The following MAP3K2 variants were observed in gnomAD, a reference collection of about 807,000 sequenced individuals.
MAP3K2 encodes mitogen-activated protein kinase kinase kinase 2.
MAP3K2 carries 24 observed loss-of-function variants against 80.3 expected under a neutral mutation model. That is an observed-to-expected ratio of 0.30 (90% confidence interval 0.22 to 0.42). The LOEUF (loss-of-function observed/expected upper bound fraction) is 0.42, where lower values mean the gene tolerates loss of function less well. Ranked by LOEUF, MAP3K2 falls within the 10% of genes least tolerant of loss-of-function variation. The pLI is 1.00. For missense variants in MAP3K2, 608 were observed against 750.1 expected (o/e 0.81, Z 2.21); for synonymous variants, 244 against 253.7 (o/e 0.96, Z 0.36).
intron 9 of MAP3K2, among the ~76,000 whole-genome samples, chr2:127,324,860 C>T (rs563383210): frequency 5.3e-5 from 8 of 152,194 alleles, no homozygotes; most frequent in African/African-American, 1.9e-4. Context: ...AGGGGGAGCA[C>T]GTGTAACAAA....
intron 1 of MAP3K2, among the ~76,000 whole-genome samples, chr2:127,361,566 AAGGC>A (rs1024081684): frequency 8.5e-5 from 13 of 152,252 alleles, no homozygotes; most frequent in African/African-American, 3.1e-4. Context: ...CATCCTCAGA[AAGGC>A]AGAGAAAAAT....
intron 1 of MAP3K2, among the ~76,000 whole-genome samples, chr2:127,366,128 T>C (rs1686966766): frequency 6.6e-6 from 1 of 152,308 alleles, no homozygotes; most frequent in Non-Finnish European, 1.5e-5. Context: ...TCCAAAAAAG[T>C]CGTATCTCAC....
intron 1 of MAP3K2, among the ~76,000 whole-genome samples, chr2:127,381,947 C>G (rs997011241): frequency 6.6e-6 from 1 of 151,536 alleles, no homozygotes; most frequent in African/African-American, 2.4e-5. Context: ...TCTGACAAAT[C>G]GAGAATATGA....
At chr2:127,325,436 T>C (rs1171247235) in intron 9 of MAP3K2, among the ~76,000 whole-genome samples, 2 of 152,186 alleles carry the variant, frequency 1.3e-5, no homozygotes, top group African/African-American at 4.8e-5. Context: ...CCCAGCGCTT[T>C]AGGAGACCAA....
At chr2:127,373,754 A>ACT (rs1022352561) in intron 1 of MAP3K2, among the ~76,000 whole-genome samples, 1 of 152,088 alleles carries the variant, frequency 6.6e-6, no homozygotes, top group East Asian at 1.9e-4. Flanking sequence ...GGACTAAAAC[A>ACT]CTCTCTCTCT....
intron 3 of MAP3K2, 144 bp downstream of exon 3, chr2:127,338,788 C>T: frequency 1.6e-6 from 1 of 608,200 alleles, no homozygotes; most frequent in Non-Finnish European, 2.9e-6. Flanking sequence ...GATGAACACA[C>T]ACTCTTACAC....
chr2:127,344,518 C>G (rs7584659), intron 1 of MAP3K2, among the ~76,000 whole-genome samples: 118,325 of 149,160 alleles, frequency 0.79, 46,875 homozygotes, highest in Middle Eastern at 0.84. Context: ...ATTTAAAAAA[C>G]AAAATGCCAG....
rs745964818 is a variant in MAP3K2 at position 127,322,300 on chromosome 2, T to C, written c.839-48A>G. 5.7e-6 allele frequency: 7 copies of C among 1,223,472 alleles called. No homozygotes were observed. The African/African-American group carries it at 6.1e-5, about 11-fold the overall frequency. The allele number at this position is 1,223,472 out of a possible 1,614,324, so 75.8% of individuals were successfully genotyped here. ...CCTTATACCTTTTATTAATATGTTATACTTTTAAAGTATTTAAAATTTGTA... is the reference window on the plus strand; with the variant it reads ...CCTTATACCTTTTATTAATATGTTACACTTTTAAAGTATTTAAAATTTGTA... On this transcript the variant is annotated intron_variant, in intron 11 of 16. Coordinates refer to ENST00000682094, the MANE Select transcript of MAP3K2 (RefSeq NM_001371910.2). The surrounding 1 kb of genome is among the most constrained non-coding windows in gnomAD (Gnocchi z 4.2).
chr2:127,307,534 G>T lies in MAP3K2; in HGVS notation c.*45C>A, dbSNP rs1685725278. ...AAGTGCAGTCAGAGAGAAGGTGAATGAATAGATGGGAGCTAGGTAGAGGCA... is the reference window on the plus strand; with the variant it reads ...AAGTGCAGTCAGAGAGAAGGTGAATTAATAGATGGGAGCTAGGTAGAGGCA... On this transcript the variant is annotated 3_prime_UTR_variant, in exon 17 of 17. Transcript: ENST00000682094. The surrounding 1 kb of genome is among the most constrained non-coding windows in gnomAD (Gnocchi z 5.4). The T allele has an allele frequency of 1.6e-6, 2 of 1,289,564 alleles. No individual in the cohort carries two copies. The highest frequency in any genetic ancestry group is 2.2e-6 in the Non-Finnish European group (2 of 923,148). 79.9% of individuals were successfully genotyped at this position (1,289,564 alleles called of 1,614,324 possible). A position where few individuals can be genotyped will look rare whatever the true frequency, so the allele number is the denominator to read the frequency against.
chr2:127,320,026 G>A (rs966291157), intron 12 of MAP3K2, among the ~76,000 whole-genome samples: 2 of 152,116 alleles, frequency 1.3e-5, no homozygotes, highest in African/African-American at 2.4e-5. Context: ...TAACGGCCTA[G>A]CAGAAGAAGA....
At position 127,339,056 on chromosome 2, in the gene MAP3K2, T is replaced by C. The variant is rs777814037; in HGVS notation, c.5-6A>G. The C allele has an allele frequency of 4.4e-6, 7 of 1,574,590 alleles. No individual in the cohort carries two copies. In the South Asian group the frequency reaches 8.0e-5, roughly 18 times the overall value. ...GTTCAAAGCTTGCTGATCATCTAGG[T>C]AGTTTTGAAACAACACATACATAGA... On this transcript the variant is annotated splice_polypyrimidine_tract_variant and splice_region_variant and intron_variant, in intron 2 of 16. Coordinates refer to ENST00000682094, the MANE Select transcript of MAP3K2 (RefSeq NM_001371910.2). The surrounding 1 kb of genome is among the most constrained non-coding windows in gnomAD (Gnocchi z 4.2).
intron 1 of MAP3K2, among the ~76,000 whole-genome samples, chr2:127,351,065 G>A (rs1011914334): frequency 1.3e-5 from 2 of 152,056 alleles, no homozygotes; most frequent in African/African-American, 2.4e-5. Flanking sequence ...CAAAACTGTC[G>A]AAATCATGAA....
At chr2:127,354,559 A>G (rs1159245171) in intron 1 of MAP3K2, among the ~76,000 whole-genome samples, 1 of 152,080 alleles carries the variant, frequency 6.6e-6, no homozygotes, top group East Asian at 1.9e-4. Context: ...GTAGAGAAAA[A>G]TTATGCTAAA....
intron 14 of MAP3K2, 116 bp from the exon 15 acceptor site, chr2:127,314,999 T>C: frequency 1.4e-6 from 1 of 692,674 alleles, no homozygotes; most frequent in South Asian, 1.9e-5. Flanking sequence ...TCTAAGCATG[T>C]CCTACTTGAA....
chr2:127,384,660 A>G (rs575322863), intron 1 of MAP3K2, among the ~76,000 whole-genome samples: 12 of 152,088 alleles, frequency 7.9e-5, no homozygotes, highest in African/African-American at 2.6e-4. Context: ...ATGAGGAAAC[A>G]AAGTGGCCTT....
intron 1 of MAP3K2, among the ~76,000 whole-genome samples, chr2:127,351,377 A>G (rs1686689203): frequency 6.6e-6 from 1 of 152,162 alleles, no homozygotes; most frequent in Non-Finnish European, 1.5e-5. Context: ...TCAAATAATC[A>G]AAACAAATTT....
At chr2:127,363,167 T>C (rs1686918817) in intron 1 of MAP3K2, among the ~76,000 whole-genome samples, 1 of 152,140 alleles carries the variant, frequency 6.6e-6, no homozygotes. Context: ...ATTTTGGTAT[T>C]TGTGGGAGTC....
chr2:127,384,236 T>TATATA (rs1558993425), intron 1 of MAP3K2, among the ~76,000 whole-genome samples: 1 of 134,274 alleles, frequency 7.4e-6, no homozygotes, highest in East Asian at 2.0e-4. Context: ...ATATATATAT[T>TATATA]GCTTTTTTAG....
rs1685781007 is a variant in MAP3K2 at position 127,310,014 on chromosome 2, T to C, written c.1457-1252A>G. Among the ~76,000 whole-genome samples the C allele has an allele frequency of 6.6e-6, 1 of 152,208 alleles. No homozygotes were observed. The highest frequency in any genetic ancestry group is 6.5e-5 in the Admixed American group (1 of 15,278). On this transcript the variant is annotated intron_variant, in intron 15 of 16. Transcript: ENST00000682094. This position sits in a 1 kb window ranked among gnomAD's most constrained non-coding sequence, Gnocchi z 4.8. ...TAGCTACATAAATTATTTGGAGTTA[T>C]GCTGCAGAAGAGATTTGTCTCCCCT...
Sources: allele counts gnomAD v4.1 joint callset (sites outside exome capture counted in the v4.1 genomes callset), GRCh38; gene constraint gnomAD v4.1.1; non-coding constraint Gnocchi (gnomAD v3.1); transcripts MANE v1.5; gene names NCBI Gene and HGNC (gene_info 2026-07-23, HGNC 2026-07-21).